Variants in SRGAP3 observed in about 807,000 individuals in gnomAD.
The protein encoded by SRGAP3 is SLIT-ROBO Rho GTPase-activating protein 3.
In SRGAP3, 39 loss-of-function variants were observed where a neutral mutation model predicts 121.1. The ratio of observed to expected loss-of-function variants is 0.32; its 90% CI spans 0.25 to 0.42. The LOEUF (loss-of-function observed/expected upper bound fraction) is 0.42. Ranked by LOEUF, SRGAP3 falls within the 10% of genes least tolerant of loss-of-function variation. SRGAP3 has a pLI of 1.00. For synonymous variants in SRGAP3, 601 were observed against 570.0 expected, an observed-to-expected ratio of 1.05 and a Z score of -0.77; for missense variants, 1,213 against 1,470.6, an observed-to-expected ratio of 0.82 and a Z score of 2.86.
At chr3:9,255,969 G>A (rs1312607329) in intron 3 of SRGAP3, among the ~76,000 whole-genome samples, 1 of 152,084 alleles carries the variant, frequency 6.6e-6, no homozygotes, top group Non-Finnish European at 1.5e-5. Flanking sequence ...CAACAAATGG[G>A]AGAGCTGGGC....
chr3:9,362,991 G>A (rs556392374), exon 1 of SRGAP3: 3 of 152,348 alleles, frequency 2.0e-5, no homozygotes, highest in Admixed American at 2.0e-4. Context: ...AAGACCTTGT[G>A]GGGGAACCCG....
chr3:9,201,912 C>T (rs1952078233), intron 1 of SRGAP3, among the ~76,000 whole-genome samples: 2 of 152,212 alleles, frequency 1.3e-5, no homozygotes, highest in Non-Finnish European at 2.9e-5. Flanking sequence ...ATCCTTACAA[C>T]AACTCTGTGC....
intron 4 of SRGAP3, among the ~76,000 whole-genome samples, 180 bp from the exon 5 acceptor site, chr3:9,064,761 T>C (rs1946343444): frequency 1.3e-5 from 2 of 151,978 alleles, no homozygotes; most frequent in Admixed American, 1.3e-4. Flanking sequence ...CTGGATATGA[T>C]GATGATGGTC....
intron 3 of SRGAP3, among the ~76,000 whole-genome samples, chr3:9,080,317 G>A (rs1275298774): frequency 6.6e-6 from 1 of 152,118 alleles, no homozygotes; most frequent in Non-Finnish European, 1.5e-5. Context: ...ATATGAGTTG[G>A]AGAACCCTAC....
chr3:9,045,215 G>A (rs1945204555), intron 10 of SRGAP3, among the ~76,000 whole-genome samples: 1 of 147,066 alleles, frequency 6.8e-6, no homozygotes, highest in South Asian at 2.2e-4. Context: ...AAAAACTTCT[G>A]TAGAACTGAC....
intron 14 of SRGAP3, among the ~76,000 whole-genome samples, chr3:9,023,238 C>CA (rs530420243): frequency 4.5e-4 from 69 of 152,216 alleles, no homozygotes; most frequent in Admixed American, 2.7e-3. Flanking sequence ...GCAAAGGTTC[C>CA]AGACTATGGT....
At chr3:9,100,241 C>T (rs1948164920) in intron 3 of SRGAP3, among the ~76,000 whole-genome samples, 1 of 152,150 alleles carries the variant, frequency 6.6e-6, no homozygotes, top group African/African-American at 2.4e-5. Flanking sequence ...TAAACTCTAC[C>T]CACTGGCTCT....
chr3:9,039,226 CTCCACACTT>C (rs1944909589), intron 10 of SRGAP3, among the ~76,000 whole-genome samples: 1 of 152,200 alleles, frequency 6.6e-6, no homozygotes, highest in African/African-American at 2.4e-5. Flanking sequence ...ACTTTCATGA[CTCCACACTT>C]TCCAGGTGTT....
At chr3:9,197,393 T>C (rs1951948359) in intron 1 of SRGAP3, among the ~76,000 whole-genome samples, 1 of 152,252 alleles carries the variant, frequency 6.6e-6, no homozygotes, top group Admixed American at 6.5e-5. Context: ...TGCCATGAAA[T>C]GGCTGTGGAT....
At chr3:9,009,170 C>A (rs976563640) in intron 18 of SRGAP3, among the ~76,000 whole-genome samples, 1 of 152,170 alleles carries the variant, frequency 6.6e-6, no homozygotes, top group African/African-American at 2.4e-5. Context: ...CTGAAATAGT[C>A]CTACTAGAAT....
At chr3:9,117,150 C>A (rs1201972691) in intron 2 of SRGAP3, among the ~76,000 whole-genome samples, 1 of 152,242 alleles carries the variant, frequency 6.6e-6, no homozygotes, top group Non-Finnish European at 1.5e-5. Flanking sequence ...AATGGAGACA[C>A]AAGCCCTACT....
At chr3:9,124,939 A>G in intron 1 of SRGAP3, 22 bp from the exon 2 acceptor site, 1 of 1,613,582 alleles carries the variant, frequency 6.2e-7, no homozygotes. Context: ...CAAGGGTAGG[A>G]GCATGAGACT....
At chr3:9,158,353 A>G (rs1950492700) in intron 1 of SRGAP3, among the ~76,000 whole-genome samples, 1 of 152,228 alleles carries the variant, frequency 6.6e-6, no homozygotes, top group African/African-American at 2.4e-5. Flanking sequence ...GCAGTTGCTC[A>G]TTCACATGCA....
chr3:9,208,561 A>G (rs1383774484), intron 1 of SRGAP3, among the ~76,000 whole-genome samples: 2 of 152,226 alleles, frequency 1.3e-5, no homozygotes, highest in Non-Finnish European at 2.9e-5. Context: ...AGGTAAGACT[A>G]GGACCCACAG....
intron 13 of SRGAP3, 64 bp downstream of exon 13, chr3:9,026,871 T>C (rs1291943578): frequency 5.1e-6 from 8 of 1,560,162 alleles, no homozygotes; most frequent in African/African-American, 1.4e-5. Context: ...TCTCATTTCC[T>C]ATCAGAACAG....
At chr3:9,306,570 C>T (rs1574989905) in intron 3 of SRGAP3, among the ~76,000 whole-genome samples, 1 of 152,170 alleles carries the variant, frequency 6.6e-6, no homozygotes, top group Non-Finnish European at 1.5e-5. Flanking sequence ...AGTCTTTAAT[C>T]CATCTTGAAT....
intron 4 of SRGAP3, among the ~76,000 whole-genome samples, chr3:9,070,651 A>G (rs1335203696): frequency 2.0e-5 from 3 of 152,154 alleles, no homozygotes; most frequent in Admixed American, 6.5e-5. Flanking sequence ...GGGTAGATAG[A>G]TGGGAGAAAG....
intron 3 of SRGAP3, among the ~76,000 whole-genome samples, chr3:9,286,378 T>G (rs1333579953): frequency 6.6e-6 from 1 of 151,946 alleles, no homozygotes; most frequent in Non-Finnish European, 1.5e-5. Flanking sequence ...AATCCAAGGT[T>G]GGCTGGGCAC....
intron 3 of SRGAP3, among the ~76,000 whole-genome samples, chr3:9,289,624 C>T (rs1253022073): frequency 6.6e-6 from 1 of 152,144 alleles, no homozygotes; most frequent in Non-Finnish European, 1.5e-5. Context: ...TCAAGACAGA[C>T]AATTGTTTTT....
Sources: gnomAD v4.1 joint callset for allele counts (sites outside exome capture counted in the v4.1 genomes callset) on GRCh38, gnomAD v4.1.1 for gene constraint, MANE v1.5 for transcripts, NCBI Gene and HGNC (gene_info 2026-07-23, HGNC 2026-07-21) for gene names.